Variants in EEF2K observed in about 807,000 individuals in gnomAD.
EEF2K encodes alternative protein EEF2K.
Under a neutral mutation model 93.8 loss-of-function variants are expected in EEF2K, and 70 were observed. The observed-to-expected ratio is 0.75, with a 90% CI of 0.62 to 0.91. The LOEUF is 0.91. EEF2K is among the 40% of genes least tolerant of loss of function. EEF2K has a pLI of 0.00. For synonymous variants in EEF2K, 376 were observed against 380.8 expected, an observed-to-expected ratio of 0.99 and a Z score of 0.15; for missense variants, 935 against 972.9, an observed-to-expected ratio of 0.96 and a Z score of 0.52.
intron 5 of EEF2K, 137 bp from the exon 6 acceptor site, chr16:22,251,011 CCTT>C (rs1297535331): frequency 2.9e-6 from 3 of 1,044,068 alleles, no homozygotes; most frequent in Non-Finnish European, 4.3e-6. Context: ...GTGGGGACGT[CCTT>C]CTTACCTCCT....
chr16:22,262,465 G>A (rs1308123813), intron 11 of EEF2K, among the ~76,000 whole-genome samples: 4 of 151,912 alleles, frequency 2.6e-5, no homozygotes, highest in South Asian at 2.1e-4. Flanking sequence ...AGCTGAGATC[G>A]TGCCACTGCA....
At chr16:22,255,648 C>T (rs2047391208) in intron 6 of EEF2K, among the ~76,000 whole-genome samples, 1 of 152,156 alleles carries the variant, frequency 6.6e-6, no homozygotes, top group African/African-American at 2.4e-5. Context: ...CATCCTAATG[C>T]TCTGGGAGGA....
At chr16:22,243,342 C>A (rs955190658) in intron 2 of EEF2K, among the ~76,000 whole-genome samples, 2 of 150,918 alleles carry the variant, frequency 1.3e-5, no homozygotes, top group Non-Finnish European at 2.9e-5. Context: ...ACCTCTGCCT[C>A]CTGGGTTCAA....
At chr16:22,228,904 T>C (rs1446194143) in intron 2 of EEF2K, among the ~76,000 whole-genome samples, 2 of 152,226 alleles carry the variant, frequency 1.3e-5, no homozygotes, top group African/African-American at 2.4e-5. Context: ...TTTCTTAGCC[T>C]ATGTATAACT....
chr16:22,260,022 G>A (rs1478888885), intron 10 of EEF2K, among the ~76,000 whole-genome samples: 2 of 152,090 alleles, frequency 1.3e-5, no homozygotes, highest in African/African-American at 4.8e-5. Flanking sequence ...CATAGTTCTG[G>A]GATTACAGGC....
Position 22,254,744 on chromosome 16 carries a change from T to C in EEF2K, c.619-2004T>C, listed in dbSNP as rs566045090. ...GAGAAAACTGCTGTTTAGAGGTTGG[T>C]TTATATTTCTCTAGAATTGTAGCTC... On this transcript the variant is annotated intron_variant, in intron 6 of 17. Transcript: ENST00000263026. 2.0e-5 allele frequency among the ~76,000 whole-genome samples: 3 copies of C among 152,236 alleles called. No homozygotes were observed. In the East Asian group the frequency reaches 5.8e-4, roughly 29 times the overall value.
At chr16:22,270,506 C>A (rs1244240532) in intron 15 of EEF2K, among the ~76,000 whole-genome samples, 1 of 152,094 alleles carries the variant, frequency 6.6e-6, no homozygotes, top group Non-Finnish European at 1.5e-5. Flanking sequence ...CCTTCCTCAG[C>A]CTCCCAAAGT....
chr16:22,266,820 C>T lies in EEF2K; in HGVS notation c.1708C>T (p.Leu570=), dbSNP rs1355341980. 1 of 1,614,148 alleles carries T rather than the reference C, an allele frequency of 6.2e-7. No individual in the cohort carries two copies. The change falls in exon 15 of 18, where the codon CTG becomes TTG. Residue 570 remains leucine (L), a synonymous_variant. Coordinates refer to ENST00000263026, the MANE Select transcript of EEF2K (RefSeq NM_013302.5). Reference sequence around the variant, plus strand: ...GGGCGAGCTGGAGGCCATCGTGGGCCTGGGACTCATGTACTCGCAGTTGCC... The same window carrying T: ...GGGCGAGCTGGAGGCCATCGTGGGCTTGGGACTCATGTACTCGCAGTTGCC... ...NLGELEAIVG[L]GLMYSQLPHH...
rs1240389541 is a variant in EEF2K at position 22,251,170 on chromosome 16, T to G, written c.466T>G (p.Leu156Val). Residue 156 changes from leucine to valine, a missense_variant, in exon 6 of 18, where the codon TTG becomes GTG. Leu to Val is a conservative substitution (Grantham distance 32, BLOSUM62 1). Transcript: ENST00000263026. ...CCACAGGAAGAAGCTCTCCAACTTC[T>G]TGCATGCCCAGCAGTGGAAGGGCGC... ...CFRTKKLSNF[L>V]HAQQWKGASN... 6.2e-7 allele frequency: 1 copy of G among 1,613,928 alleles called. No individual in the cohort carries two copies. Among genetic ancestry groups the G allele is most frequent in the Non-Finnish European group, 8.5e-7 (1 of 1,179,904 alleles).
chr16:22,230,657 G>A (rs778244592), intron 2 of EEF2K, among the ~76,000 whole-genome samples: 8 of 152,086 alleles, frequency 5.3e-5, no homozygotes, highest in Non-Finnish European at 1.2e-4. Flanking sequence ...GAGTAGCTAG[G>A]ACCACAGGTA....
chr16:22,232,995 C>G (rs1276837602), intron 2 of EEF2K, among the ~76,000 whole-genome samples: 1 of 152,164 alleles, frequency 6.6e-6, no homozygotes, highest in African/African-American at 2.4e-5. Context: ...TGTGAAAGGT[C>G]AGATTCTATC....
intron 2 of EEF2K, among the ~76,000 whole-genome samples, chr16:22,234,577 A>G (rs1567268174): frequency 6.6e-6 from 1 of 152,082 alleles, no homozygotes; most frequent in Admixed American, 6.6e-5. Context: ...TTTTGGAAAT[A>G]TAATTCACAT....
chr16:22,264,835 T>C lies in EEF2K; in HGVS notation c.1395T>C (p.Asn465=). ...EPREHGHSYS[N]RKYESDEDSL... is the part of the protein sequence containing the mutation. ...CCGTTCAGGGCCACTCATACAGTAATCGGAAGTACGAGTCTGACGAAGACA... is the reference window on the plus strand; with the variant it reads ...CCGTTCAGGGCCACTCATACAGTAACCGGAAGTACGAGTCTGACGAAGACA... The change falls in exon 13 of 18, where the codon AAT becomes AAC. Residue 465 remains asparagine (N), a synonymous_variant. Transcript: ENST00000263026. 6.2e-7 allele frequency: 1 copy of C among 1,613,950 alleles called. No homozygotes were observed.
chr16:22,230,287 C>T (rs930857215), intron 2 of EEF2K, among the ~76,000 whole-genome samples: 1 of 151,952 alleles, frequency 6.6e-6, no homozygotes, highest in Non-Finnish European at 1.5e-5. Context: ...GATCCTGGCT[C>T]ACTGCAACCT....
chr16:22,224,031 AC>A (rs1231493763), intron 1 of EEF2K, among the ~76,000 whole-genome samples: 3 of 151,790 alleles, frequency 2.0e-5, no homozygotes, highest in African/African-American at 7.3e-5. Flanking sequence ...ACATGGTGAA[AC>A]CCCGTCTCTA....
intron 1 of EEF2K, among the ~76,000 whole-genome samples, chr16:22,220,028 TTATATC>T (rs144150029): frequency 7.2e-5 from 11 of 152,328 alleles, no homozygotes; most frequent in African/African-American, 2.2e-4. Context: ...GTTCACATGT[TTATATC>T]TATCTGCAAA....
chr16:22,288,705 C>T lies in EEF2K; in HGVS notation c.*4709C>T, dbSNP rs545218990. On this transcript the variant is annotated 3_prime_UTR_variant, in exon 18 of 18. Transcript: ENST00000263026. Reference sequence around the variant, plus strand: ...TGGCATATGTACTAAGTTCCATTTTCTCTTTACAAATAAAGTGTTTTCTTT... The same window carrying T: ...TGGCATATGTACTAAGTTCCATTTTTTCTTTACAAATAAAGTGTTTTCTTT... The T allele has an allele frequency of 2.6e-5, 4 of 151,894 alleles. No individual in the cohort carries two copies. The South Asian group carries it at 8.3e-4, about 31-fold the overall frequency. 9.4% of individuals were successfully genotyped at this position (151,894 alleles called of 1,614,324 possible).
intron 6 of EEF2K, among the ~76,000 whole-genome samples, chr16:22,252,297 GT>G (rs1468344417): frequency 2.6e-5 from 4 of 152,196 alleles, no homozygotes; most frequent in Admixed American, 2.6e-4. Context: ...TTAAACTGAG[GT>G]TGTCAGAATC....
Position 22,272,130 on chromosome 16 carries a change from C to T in EEF2K, c.1765-1496C>T, listed in dbSNP as rs2047588606. Among the ~76,000 whole-genome samples, 4 of 152,196 alleles carry T rather than the reference C, an allele frequency of 2.6e-5. No individual in the cohort carries two copies. The South Asian group carries it at 8.3e-4, about 32-fold the overall frequency. On this transcript the variant is annotated intron_variant, in intron 15 of 17. Transcript: ENST00000263026. ...ATCAAACCCTGATTTGCAGCATTGTCTGCTTTCTACCAGGTAAGTTATATG... is the reference window on the plus strand; with the variant it reads ...ATCAAACCCTGATTTGCAGCATTGTTTGCTTTCTACCAGGTAAGTTATATG...
Sources: gnomAD v4.1 joint callset for allele counts (sites outside exome capture counted in the v4.1 genomes callset) on GRCh38, gnomAD v4.1.1 for gene constraint, MANE v1.5 for transcripts, NCBI Gene and HGNC (gene_info 2026-07-23, HGNC 2026-07-21) for gene names.